THOC7: variants seen among roughly 807,000 people sequenced by gnomAD.
The protein encoded by THOC7 is THO complex subunit 7, also known as NIF3L1-binding protein 1.
In THOC7, 22 loss-of-function variants were observed where a neutral mutation model predicts 33.1. The observed-to-expected ratio is 0.66, with a 90% CI of 0.47 to 0.95. The LOEUF (loss-of-function observed/expected upper bound fraction) is 0.95. Among genes scored for constraint, THOC7 ranks in the 40% least tolerant of loss-of-function variants. The probability of loss-of-function intolerance (pLI) is 0.00; values close to 1 mark genes in which losing one functional copy is unlikely to be tolerated. For synonymous variants in THOC7, 77 were observed against 76.8 expected (o/e 1.00, Z -0.01); for missense variants, 184 against 245.3 (o/e 0.75, Z 1.67).
In THOC7 at chr3:63,839,721, A is replaced by G; in HGVS notation, c.72T>C (p.Asp24=). Residue 24 remains aspartate (D), a synonymous_variant, in exon 2 of 8, where the codon GAT becomes GAC. Coordinates refer to ENST00000295899, the MANE Select transcript of THOC7 (RefSeq NM_025075.4). ...TCTTCACTAGCAGATTAATTCTCCG[A>G]TCATCTCCAGCACCATCTCCATCAA... The part of the protein sequence containing the change: ...LLIDGDGAGD[D]RRINLLVKSF... The G allele has an allele frequency of 1.2e-6, 2 of 1,613,124 alleles. No homozygotes were observed. The highest frequency in any genetic ancestry group is 1.7e-6 in the Non-Finnish European group (2 of 1,179,958).
At chr3:63,853,157 G>GAAAAAAAAAAAAAAAAAAA (rs1195911287) in intron 1 of THOC7, among the ~76,000 whole-genome samples, 2 of 73,490 alleles carry the variant, frequency 2.7e-5, no homozygotes, top group Non-Finnish European at 2.8e-5. Flanking sequence ...TCTCAAAAAA[G>GAAAAAAAAAAAAAAAAAAA]AAAAAAAAAA....
chr3:63,848,213 G>A (rs1701942408), intron 1 of THOC7, among the ~76,000 whole-genome samples: 1 of 152,170 alleles, frequency 6.6e-6, no homozygotes, highest in African/African-American at 2.4e-5. Flanking sequence ...ATCCAGGAGA[G>A]ATTAAGAGTC....
chr3:63,843,576 A>G (rs1484382767), intron 1 of THOC7, among the ~76,000 whole-genome samples: 1 of 151,638 alleles, frequency 6.6e-6, no homozygotes, highest in Non-Finnish European at 1.5e-5. Context: ...TATGGAATCA[A>G]TTTGGGTGTT....
chr3:63,844,967 T>C, intron 1 of THOC7: 1 of 650,432 alleles, frequency 1.5e-6, no homozygotes, highest in Non-Finnish European at 2.8e-6. Context: ...AAGTCTAGAA[T>C]CATAAATAAA....
chr3:63,863,525 C>T (rs1299925540), intron 1 of THOC7: 2 of 1,191,942 alleles, frequency 1.7e-6, no homozygotes, highest in Non-Finnish European at 2.1e-6. Context: ...GCGCTGCCTC[C>T]GGGAGAGCGG....
intron 1 of THOC7, among the ~76,000 whole-genome samples, chr3:63,853,956 A>C (rs1347977473): frequency 6.6e-6 from 1 of 152,244 alleles, no homozygotes; most frequent in Non-Finnish European, 1.5e-5. Context: ...ATCCTATAAA[A>C]GTCAGAGTAA....
intron 1 of THOC7, among the ~76,000 whole-genome samples, chr3:63,850,761 A>G (rs1226788228): frequency 2.0e-5 from 3 of 151,522 alleles, no homozygotes; most frequent in Admixed American, 2.0e-4. Context: ...TAAATTTTGT[A>G]TTTTAATAGA....
At chr3:63,839,903 C>A in intron 1 of THOC7, 130 bp from the exon 2 acceptor site, 2 of 686,452 alleles carry the variant, frequency 2.9e-6, no homozygotes, top group African/African-American at 1.8e-5. Flanking sequence ...TGCCACTGAA[C>A]TGTACACTTA....
chr3:63,842,187 A>T (rs74572960), intron 1 of THOC7, among the ~76,000 whole-genome samples: 12 of 152,200 alleles, frequency 7.9e-5, no homozygotes, highest in Non-Finnish European at 1.6e-4. Flanking sequence ...AAGAAGACAT[A>T]CAAATGGCCA....
chr3:63,840,753 C>T (rs906009837), intron 1 of THOC7, among the ~76,000 whole-genome samples: 1 of 152,136 alleles, frequency 6.6e-6, no homozygotes, highest in African/African-American at 2.4e-5. Flanking sequence ...CACAGTAAAA[C>T]GTCATTTTTC....
rs1701995947 is a variant in THOC7, at chr3:63,850,411, GGC to G, written c.20-10640_20-10639del. Among the ~76,000 whole-genome samples, 11 of 151,384 alleles carry G rather than the reference GGC, an allele frequency of 7.3e-5. No individual in the cohort carries two copies. The East Asian group carries it at 1.9e-3, about 27-fold the overall frequency. ...AGTCAGGGTTTCACCATTTTGGCCA[GGC>G]TGGTCTCAAACTCCTGACCTCAAAT... On this transcript the variant is annotated intron_variant, in intron 1 of 7. Transcript: ENST00000295899.
At chr3:63,840,685 G>C (rs754913070) in intron 1 of THOC7, among the ~76,000 whole-genome samples, 2 of 152,230 alleles carry the variant, frequency 1.3e-5, no homozygotes, top group African/African-American at 4.8e-5. Context: ...TCCTGAGCTA[G>C]TGTTCTTTCC....
At position 63,835,049 on chromosome 3, in the gene THOC7, A is replaced by C. The variant is rs1701600947; in HGVS notation, c.547+105T>G. On this transcript the variant is annotated intron_variant, in intron 7 of 7. Coordinates refer to ENST00000295899, the MANE Select transcript of THOC7 (RefSeq NM_025075.4). Reference sequence around the variant, plus strand: ...ACGTCATCCAGCTACACTGTTCAGAAATTGAAGGTATACTGTCTCTCCAAG... The same window carrying C: ...ACGTCATCCAGCTACACTGTTCAGACATTGAAGGTATACTGTCTCTCCAAG... 4 of 1,114,230 alleles carry C rather than the reference A, an allele frequency of 3.6e-6. No individual in the cohort carries two copies. In the African/African-American group the frequency reaches 6.3e-5, roughly 18 times the overall value. The allele number at this position is 1,114,230 out of a possible 1,614,324, so 69.0% of individuals were successfully genotyped here.
At chr3:63,841,015 T>C (rs967044300) in intron 1 of THOC7, among the ~76,000 whole-genome samples, 6 of 152,340 alleles carry the variant, frequency 3.9e-5, no homozygotes, top group Middle Eastern at 3.4e-3. Context: ...AGTAGAAAGA[T>C]TGCAAACCTA....
At chr3:63,841,392 G>C (rs1183725308) in intron 1 of THOC7, among the ~76,000 whole-genome samples, 1 of 152,132 alleles carries the variant, frequency 6.6e-6, no homozygotes. Context: ...GTTTTTTATA[G>C]TACGCAGTAA....
chr3:63,863,707 A>G (rs935518680), intron 1 of THOC7, 65 bp downstream of exon 1: 2 of 1,244,370 alleles, frequency 1.6e-6, no homozygotes, highest in Non-Finnish European at 2.0e-6. Flanking sequence ...CCGGGAGGCC[A>G]GGGGTCTCAG....
upstream of THOC7, among the ~76,000 whole-genome samples, chr3:63,864,125 A>C (rs866010651): frequency 6.9e-6 from 1 of 144,756 alleles, no homozygotes. Flanking sequence ...GCCCACGCCC[A>C]GAGGCCGCCC....
At chr3:63,864,156 C>T (rs1240442813), upstream of THOC7, among the ~76,000 whole-genome samples, 6 of 150,046 alleles carry the variant, frequency 4.0e-5, no homozygotes, top group Non-Finnish European at 8.9e-5. Flanking sequence ...AGCCAGCCGC[C>T]AGGTGAGCTC....
chr3:63,863,532 G>C, intron 1 of THOC7: 1 of 1,193,636 alleles, frequency 8.4e-7, no homozygotes, highest in East Asian at 3.5e-5. Context: ...CTCCGGGAGA[G>C]CGGACGGGGA....
Sources: allele counts gnomAD v4.1 joint callset (sites outside exome capture counted in the v4.1 genomes callset), GRCh38; gene constraint gnomAD v4.1.1; transcripts MANE v1.5; gene names NCBI Gene and HGNC (gene_info 2026-07-23, HGNC 2026-07-21).